MRTO4: variants seen among roughly 807,000 people sequenced by gnomAD.
MRTO4 encodes mRNA turnover protein 4 homolog.
A neutral mutation model predicts 28.6 loss-of-function variants in MRTO4; 7 were observed. The ratio of observed to expected loss-of-function variants is 0.24; its 90% CI spans 0.14 to 0.46. MRTO4 has a LOEUF of 0.46. MRTO4 is among the 20% of genes least tolerant of loss of function. The pLI is 0.99. For synonymous variants in MRTO4, 113 were observed against 108.2 expected (o/e 1.04, Z -0.27); for missense variants, 302 against 298.3 (o/e 1.01, Z -0.09).
chr1:19,257,331 C>G, intron 4 of MRTO4, 123 bp from the exon 5 acceptor site: 1 of 1,275,768 alleles, frequency 7.8e-7, no homozygotes, highest in Non-Finnish European at 1.1e-6. Flanking sequence ...CCTCCCACTC[C>G]TTCCTGCTAT....
At chr1:19,253,456 T>TTCC (rs2093666664) in intron 1 of MRTO4, among the ~76,000 whole-genome samples, 2 of 152,176 alleles carry the variant, frequency 1.3e-5, no homozygotes, top group African/African-American at 4.8e-5. Flanking sequence ...GGCATTGGCT[T>TTCC]TCCTGCCCAG....
At chr1:19,255,569 A>T (rs2093670305) in intron 2 of MRTO4, among the ~76,000 whole-genome samples, 1 of 152,212 alleles carries the variant, frequency 6.6e-6, no homozygotes. Flanking sequence ...GGCTTTGGCC[A>T]GCACCACGTG....
Position 19,257,540 on chromosome 1 carries a change from C to T in MRTO4, c.341+19C>T, listed in dbSNP as rs370835187. 23 of 1,613,724 alleles carry T rather than the reference C, an allele frequency of 1.4e-5. No homozygotes were observed. Among genetic ancestry groups the T allele is most frequent in the South Asian group, 1.1e-4 (10 of 91,074 alleles). On this transcript the variant is annotated intron_variant, in intron 5 of 7. Transcript: ENST00000330263. ...TGAATGAGTAAGTACTGCTGAGGAA[C>T]GGAGGGAAAGAGGCGGGTGAGAGGG...
chr1:19,255,219 A>T (rs975905331), intron 2 of MRTO4, among the ~76,000 whole-genome samples: 1 of 152,056 alleles, frequency 6.6e-6, no homozygotes, highest in African/African-American at 2.4e-5. Context: ...GGAGGCCAGG[A>T]ATGGTGGGCC....
intron 1 of MRTO4, among the ~76,000 whole-genome samples, chr1:19,254,324 G>A (rs1403346829): frequency 1.3e-5 from 2 of 152,112 alleles, no homozygotes; most frequent in Non-Finnish European, 2.9e-5. Context: ...CTGAGCCTAG[G>A]AGCTCAAAGT....
intron 1 of MRTO4, chr1:19,252,220 C>T (rs1487748517): frequency 3.7e-5 from 13 of 352,112 alleles, no homozygotes; most frequent in Non-Finnish European, 6.8e-5. Context: ...TCCCGCCACC[C>T]TGGCTGCCTT....
intron 1 of MRTO4, among the ~76,000 whole-genome samples, chr1:19,254,048 G>A (rs539317460): frequency 7.7e-4 from 117 of 152,274 alleles, no homozygotes; most frequent in African/African-American, 2.6e-3. Context: ...CACAGCATAG[G>A]CCAGCTAGAG....
At chr1:19,254,687 C>T (rs995805801) in intron 1 of MRTO4, 95 bp from the exon 2 acceptor site, 12 of 1,029,054 alleles carry the variant, frequency 1.2e-5, no homozygotes, top group Non-Finnish European at 1.7e-5. Context: ...TGGCTGCATC[C>T]AGCTGAGTGC....
intron 1 of MRTO4, among the ~76,000 whole-genome samples, chr1:19,252,870 C>G (rs1385404673): frequency 6.6e-6 from 1 of 152,084 alleles, no homozygotes; most frequent in Non-Finnish European, 1.5e-5. Context: ...CCAAGCTGGT[C>G]TCGAACACCT....
At chr1:19,258,380 G>A (rs2093674763) in intron 6 of MRTO4, 97 bp from the exon 7 acceptor site, 20 of 1,425,936 alleles carry the variant, frequency 1.4e-5, no homozygotes, top group Non-Finnish European at 2.0e-5. Context: ...CGTGGGGAGG[G>A]CAGGTGGCTG....
intron 6 of MRTO4, among the ~76,000 whole-genome samples, 165 bp downstream of exon 6, chr1:19,258,149 G>A (rs2093674425): frequency 6.6e-6 from 1 of 152,096 alleles, no homozygotes; most frequent in Admixed American, 6.5e-5. Context: ...AAAGCAGACA[G>A]TAACTTACAG....
In MRTO4 at chr1:19,251,879, G is replaced by A. The variant is rs531736881; in HGVS notation, c.28+16G>A. Reference sequence around the variant, plus strand: ...GACAAGAAAGGTGGGCGAAGGGGGAGTCGGGACCCTGGGGGGAGCTCCGTG... The same window carrying A: ...GACAAGAAAGGTGGGCGAAGGGGGAATCGGGACCCTGGGGGGAGCTCCGTG... On this transcript the variant is annotated intron_variant, in intron 1 of 7. Coordinates refer to ENST00000330263, the MANE Select transcript of MRTO4 (RefSeq NM_016183.4). 4.4e-6 allele frequency: 7 copies of A among 1,591,180 alleles called. 1 individual carries two copies. The South Asian group carries it at 5.7e-5, about 13-fold the overall frequency.
intron 2 of MRTO4, among the ~76,000 whole-genome samples, chr1:19,255,095 C>G (rs762328810): frequency 3.9e-5 from 6 of 152,148 alleles, no homozygotes; most frequent in Non-Finnish European, 8.8e-5. Flanking sequence ...CGTTGTTCCA[C>G]TCCATCCTCA....
chr1:19,256,935 G>A (rs749024917), intron 3 of MRTO4, 129 bp from the exon 4 acceptor site: 23 of 814,838 alleles, frequency 2.8e-5, no homozygotes, highest in African/African-American at 5.1e-5. Context: ...CAGGCAGCAT[G>A]GAGAAGTGGG....
In MRTO4 at chr1:19,259,347, GAA is replaced by G; in HGVS notation, c.*520_*521del. On this transcript the variant is annotated 3_prime_UTR_variant, in exon 8 of 8. Transcript: ENST00000330263. ...AGAGGAGGGAGAGGGCTCTTTCTTAGAAAAGAGGCCTTTGGTGAGCCCAGAAG... is the reference window on the plus strand; with the variant it reads ...AGAGGAGGGAGAGGGCTCTTTCTTAGAAGAGGCCTTTGGTGAGCCCAGAAG... 6.6e-6 allele frequency: 1 copy of G among 152,404 alleles called. No individual in the cohort carries two copies. Among genetic ancestry groups the G allele is most frequent in the Non-Finnish European group, 1.5e-5 (1 of 68,308 alleles). 9.4% of individuals were successfully genotyped at this position (152,404 alleles called of 1,614,324 possible). A position where few individuals can be genotyped will look rare whatever the true frequency, so the allele number is the denominator to read the frequency against.
intron 3 of MRTO4, 76 bp downstream of exon 3, chr1:19,256,127 A>G (rs1240376566): frequency 4.6e-6 from 6 of 1,315,482 alleles, no homozygotes; most frequent in African/African-American, 1.4e-5. Flanking sequence ...CACAGGAGCA[A>G]TTTCTGACCC....
At chr1:19,256,146 C>T (rs774068099) in intron 3 of MRTO4, 95 bp downstream of exon 3, 1 of 1,036,142 alleles carries the variant, frequency 9.7e-7, no homozygotes, top group Non-Finnish European at 1.5e-6. Flanking sequence ...CCTTTAGGTG[C>T]CTGGGTCATG....
At chr1:19,251,892 G>A in intron 1 of MRTO4, 29 bp downstream of exon 1, 6 of 1,585,130 alleles carry the variant, frequency 3.8e-6, no homozygotes, top group Middle Eastern at 1.7e-4. Flanking sequence ...GGGACCCTGG[G>A]GGGAGCTCCG....
intron 1 of MRTO4, among the ~76,000 whole-genome samples, chr1:19,254,093 C>T (rs746850161): frequency 5.3e-5 from 8 of 152,156 alleles, no homozygotes; most frequent in Non-Finnish European, 1.2e-4. Flanking sequence ...CAGCAAGGGG[C>T]CAGGCATGGT....
Sources: allele counts gnomAD v4.1 joint callset (sites outside exome capture counted in the v4.1 genomes callset), GRCh38; gene constraint gnomAD v4.1.1; transcripts MANE v1.5; gene names NCBI Gene and HGNC (gene_info 2026-07-23, HGNC 2026-07-21).